The following NDUFAF2 variants were observed in gnomAD, a reference collection of about 807,000 sequenced individuals.
NDUFAF2 encodes the protein NADH dehydrogenase [ubiquinone] 1 alpha subcomplex assembly factor 2.
NDUFAF2 carries 13 observed loss-of-function variants against 22.8 expected under a neutral mutation model. The observed-to-expected ratio is 0.57, with a 90% confidence interval of 0.37 to 0.91. NDUFAF2 has a LOEUF of 0.91. NDUFAF2 is among the 40% of genes least tolerant of loss of function. The pLI is 0.01. For synonymous variants in NDUFAF2, 53 were observed against 64.2 expected (o/e 0.83, Z 0.84); for missense variants, 162 against 195.2 (o/e 0.83, Z 1.01).
At chr5:61,111,908 G>T (rs369282784) in intron 3 of NDUFAF2, among the ~76,000 whole-genome samples, 9 of 151,838 alleles carry the variant, frequency 5.9e-5, no homozygotes, top group East Asian at 2.0e-4. Flanking sequence ...GTGAGCCACC[G>T]TGCCCAGCCT....
At chr5:61,045,907 G>C (rs1015404005) in intron 1 of NDUFAF2, among the ~76,000 whole-genome samples, 4 of 152,084 alleles carry the variant, frequency 2.6e-5, no homozygotes, top group East Asian at 1.9e-4. Context: ...AGATCTTAGA[G>C]GAAAAGCTTT....
chr5:61,049,159 T>C (rs1300714292), intron 1 of NDUFAF2, among the ~76,000 whole-genome samples: 2 of 152,176 alleles, frequency 1.3e-5, no homozygotes, highest in African/African-American at 4.8e-5. Flanking sequence ...ATATACTATT[T>C]GAGTCAATAT....
At chr5:61,136,416 A>C (rs1367023918) in intron 3 of NDUFAF2, among the ~76,000 whole-genome samples, 1 of 152,136 alleles carries the variant, frequency 6.6e-6, no homozygotes. Flanking sequence ...TCTCCAGTAC[A>C]GTCTGCATCT....
At position 61,034,912 on chromosome 5, in the gene NDUFAF2, A is replaced by ATGTGTGTGTG. The variant is rs1554080641; in HGVS notation, c.128-38191_128-38182dup. Among the ~76,000 whole-genome samples the ATGTGTGTGTG allele has an allele frequency of 2.0e-3, 287 of 144,980 alleles. 2 individuals are homozygous for ATGTGTGTGTG. The highest frequency in any genetic ancestry group is 7.1e-3 in the South Asian group (31 of 4,378). On this transcript the variant is annotated intron_variant, in intron 1 of 3. Transcript: ENST00000296597. ...GGTTTTTTTAGGTAGGCAAATATAT[A>ATGTGTGTGTG]TGTGTGTGTGTGTGTGTGTGTGTGT...
At chr5:61,064,072 T>C (rs1461449720) in intron 1 of NDUFAF2, among the ~76,000 whole-genome samples, 3 of 151,986 alleles carry the variant, frequency 2.0e-5, no homozygotes, top group Non-Finnish European at 4.4e-5. Context: ...TTAATGGTAA[T>C]CAAAAGAAAG....
intron 2 of NDUFAF2, among the ~76,000 whole-genome samples, chr5:61,088,125 G>T (rs1269704826): frequency 6.6e-6 from 1 of 152,004 alleles, no homozygotes; most frequent in African/African-American, 2.4e-5. Flanking sequence ...CTTTTTCACT[G>T]GTTGTTGGCC....
intron 3 of NDUFAF2, among the ~76,000 whole-genome samples, chr5:61,122,393 T>C (rs138877229): frequency 6.6e-6 from 1 of 152,336 alleles, no homozygotes; most frequent in Non-Finnish European, 1.5e-5. Flanking sequence ...TAACAAAATA[T>C]GATAGGTGCT....
At chr5:61,010,371 T>A (rs913744793) in intron 1 of NDUFAF2, among the ~76,000 whole-genome samples, 1 of 152,136 alleles carries the variant, frequency 6.6e-6, no homozygotes, top group African/African-American at 2.4e-5. Context: ...CTCTCTATCC[T>A]TCAGCCCGCT....
intron 2 of NDUFAF2, among the ~76,000 whole-genome samples, chr5:61,077,449 A>G (rs529078966): frequency 1.3e-3 from 191 of 152,316 alleles, no homozygotes; most frequent in Non-Finnish European, 2.4e-3. Flanking sequence ...TCTGACAAAA[A>G]TAGTTCTGTA....
chr5:61,056,919 AATATAT>A lies in NDUFAF2; in HGVS notation c.128-16177_128-16172del, dbSNP rs1174310851. On this transcript the variant is annotated intron_variant, in intron 1 of 3. Coordinates refer to ENST00000296597, the MANE Select transcript of NDUFAF2 (RefSeq NM_174889.5). ...AAAAAAAAAAAAAAAAAAAAAAAAA[AATATAT>A]ATATATATATATATATATATATATA... Among the ~76,000 whole-genome samples, 95 of 28,808 alleles carry A rather than the reference AATATAT, an allele frequency of 3.3e-3. 2 individuals carry two copies. Among genetic ancestry groups the A allele is most frequent in the African/African-American group, 8.6e-3 (54 of 6,314 alleles). The allele number at this position is 28,808 out of a possible 152,430, so 18.9% of individuals were successfully genotyped here.
chr5:61,095,360 G>A (rs1349549729), intron 2 of NDUFAF2, among the ~76,000 whole-genome samples: 1 of 152,202 alleles, frequency 6.6e-6, no homozygotes, highest in Admixed American at 6.5e-5. Flanking sequence ...AGCAAAGATG[G>A]TGGCCCTTCC....
intron 1 of NDUFAF2, among the ~76,000 whole-genome samples, chr5:60,973,931 G>A (rs1193743851): frequency 1.3e-5 from 2 of 152,194 alleles, no homozygotes; most frequent in African/African-American, 4.8e-5. Context: ...AGCCTCCTGA[G>A]TAGCTGTGAC....
chr5:61,077,773 A>G (rs1376651031), intron 2 of NDUFAF2, among the ~76,000 whole-genome samples: 1 of 152,190 alleles, frequency 6.6e-6, no homozygotes, highest in Non-Finnish European at 1.5e-5. Flanking sequence ...AGCTTGGAAA[A>G]TTCATCAATA....
chr5:61,107,980 T>C (rs1313341894), intron 3 of NDUFAF2, among the ~76,000 whole-genome samples: 1 of 150,986 alleles, frequency 6.6e-6, no homozygotes, highest in African/African-American at 2.5e-5. Flanking sequence ...TCCATGTCCC[T>C]ACAAAGGACA....
intron 3 of NDUFAF2, among the ~76,000 whole-genome samples, chr5:61,101,479 GT>G (rs1317607357): frequency 1.3e-5 from 2 of 152,000 alleles, no homozygotes; most frequent in Non-Finnish European, 2.9e-5. Context: ...AAATTTATGT[GT>G]TAAAATACCC....
chr5:61,016,498 G>A (rs1751513165), intron 1 of NDUFAF2, among the ~76,000 whole-genome samples: 1 of 152,148 alleles, frequency 6.6e-6, no homozygotes. Context: ...TAACTATGTG[G>A]TTGGAAAACT....
intron 1 of NDUFAF2, among the ~76,000 whole-genome samples, chr5:61,043,771 C>T (rs1470421338): frequency 6.6e-6 from 1 of 151,854 alleles, no homozygotes; most frequent in Non-Finnish European, 1.5e-5. Flanking sequence ...TTGATGGACA[C>T]TTAGGTTCTA....
At chr5:61,116,372 C>T (rs1179992654) in intron 3 of NDUFAF2, 1 of 152,020 alleles carries the variant, frequency 6.6e-6, no homozygotes, top group Non-Finnish European at 1.5e-5. Context: ...CAAGAAGTTA[C>T]TACAGTCATG....
chr5:61,047,603 G>A (rs1007067606), intron 1 of NDUFAF2, among the ~76,000 whole-genome samples: 4 of 152,034 alleles, frequency 2.6e-5, no homozygotes, highest in African/African-American at 9.7e-5. Flanking sequence ...TTGGATCTCA[G>A]TGTTGTAACA....
Sources: allele counts gnomAD v4.1 joint callset (sites outside exome capture counted in the v4.1 genomes callset), GRCh38; gene constraint gnomAD v4.1.1; transcripts MANE v1.5; gene names NCBI Gene and HGNC (gene_info 2026-07-23, HGNC 2026-07-21).